BBX: variants seen among roughly 807,000 people sequenced by gnomAD.
BBX encodes the protein HMG box transcription factor BBX.
BBX carries 30 observed loss-of-function variants against 100.2 expected under a neutral mutation model. The ratio of observed to expected loss-of-function variants is 0.30; its 90% confidence interval spans 0.22 to 0.41. The LOEUF (loss-of-function observed/expected upper bound fraction) is 0.41, where lower values mean the gene tolerates loss of function less well. Ranked by LOEUF, BBX falls within the 10% of genes least tolerant of loss-of-function variation. The pLI, the probability that BBX is intolerant of heterozygous loss-of-function variation, is 1.00. For missense variants in BBX, 1,023 were observed against 1,129.8 expected (o/e 0.91, Z 1.35); for synonymous variants, 376 against 388.1 (o/e 0.97, Z 0.37).
chr3:107,643,701 C>G (rs2057355066), intron 2 of BBX, among the ~76,000 whole-genome samples: 1 of 152,126 alleles, frequency 6.6e-6, no homozygotes, highest in South Asian at 2.1e-4. Context: ...TTTCTGATAC[C>G]TCACATCACC....
At chr3:107,696,979 T>G (rs1699639587) in intron 3 of BBX, among the ~76,000 whole-genome samples, 1 of 151,974 alleles carries the variant, frequency 6.6e-6, no homozygotes, top group African/African-American at 2.4e-5. Flanking sequence ...CTTTCTTCCA[T>G]TTGATCGCAT....
At chr3:107,575,267 T>G (rs1042935268) in intron 2 of BBX, among the ~76,000 whole-genome samples, 2 of 152,226 alleles carry the variant, frequency 1.3e-5, no homozygotes, top group Non-Finnish European at 2.9e-5. Context: ...TATAAAGACA[T>G]GGACTGTTTA....
chr3:107,613,343 C>T (rs183422327), intron 2 of BBX, among the ~76,000 whole-genome samples: 61 of 149,770 alleles, frequency 4.1e-4, no homozygotes, highest in Middle Eastern at 3.4e-3. Context: ...CCCGCCACCA[C>T]GACCGGTTAA....
rs1292038730 is a variant in BBX at position 107,805,389 on chromosome 3, C to T, written c.2758C>T (p.Leu920Phe). Residue 920 changes from leucine (L) to phenylalanine (F), a missense_variant, in exon 18 of 18, where the codon CTC becomes TTC. Coordinates refer to ENST00000325805, the MANE Select transcript of BBX (RefSeq NM_001142568.3). ...TTACAGAGGTCAGAGGTCAACTCCG[C>T]TCACCCATGATGGACAGCCAAAAGA... ...NVHRGQRSTP[L>F]THDGQPKEMP... The T allele has an allele frequency of 1.2e-6, 2 of 1,613,934 alleles. No individual in the cohort carries two copies. The highest frequency in any genetic ancestry group is 2.2e-5 in the South Asian group (2 of 91,028).
chr3:107,666,265 CA>C (rs1199970285), intron 3 of BBX, among the ~76,000 whole-genome samples: 2 of 152,166 alleles, frequency 1.3e-5, no homozygotes, highest in Non-Finnish European at 2.9e-5. Flanking sequence ...TGTTCTTTAA[CA>C]AAGGTCAGGT....
intron 12 of BBX, among the ~76,000 whole-genome samples, chr3:107,776,884 A>T (rs2067360827): frequency 1.3e-5 from 2 of 152,148 alleles, no homozygotes; most frequent in Non-Finnish European, 2.9e-5. Flanking sequence ...CCATCAGAAT[A>T]AACATTTTTT....
intron 3 of BBX, among the ~76,000 whole-genome samples, chr3:107,682,195 T>C (rs975416133): frequency 6.6e-6 from 1 of 152,132 alleles, no homozygotes; most frequent in Non-Finnish European, 1.5e-5. Flanking sequence ...GAAAGACGAC[T>C]TAAGTTGTTG....
At chr3:107,675,975 C>T (rs573919862) in intron 3 of BBX, among the ~76,000 whole-genome samples, 1 of 152,160 alleles carries the variant, frequency 6.6e-6, no homozygotes, top group Admixed American at 6.5e-5. Context: ...GAGAATTTTC[C>T]TAGGGAAGCC....
At chr3:107,536,186 G>A (rs917060245) in intron 2 of BBX, among the ~76,000 whole-genome samples, 2 of 152,172 alleles carry the variant, frequency 1.3e-5, no homozygotes, top group African/African-American at 4.8e-5. Flanking sequence ...GTGCTAAGTG[G>A]AAGAGATTTC....
In BBX at chr3:107,706,267, C is replaced by T. The variant is rs1313299294; in HGVS notation, c.-9-4185C>T. On this transcript the variant is annotated intron_variant, in intron 3 of 17. Transcript: ENST00000325805. Reference sequence around the variant, plus strand: ...CAATCTCTTAACCTCGTGATCCACCCGCCTTGGCCTCCCAAAATGCTGGGA... The same window carrying T: ...CAATCTCTTAACCTCGTGATCCACCTGCCTTGGCCTCCCAAAATGCTGGGA... Among the ~76,000 whole-genome samples, 7 of 152,212 alleles carry T rather than the reference C, an allele frequency of 4.6e-5. No individual in the cohort carries two copies. In the East Asian group the frequency reaches 9.7e-4, roughly 21 times the overall value.
At chr3:107,656,214 A>G (rs1015074139) in intron 3 of BBX, among the ~76,000 whole-genome samples, 6 of 152,176 alleles carry the variant, frequency 3.9e-5, no homozygotes, top group Non-Finnish European at 7.3e-5. Context: ...ATGTTCTGTG[A>G]AAGTATTTAT....
intron 3 of BBX, among the ~76,000 whole-genome samples, chr3:107,689,922 T>C (rs138287431): frequency 3.2e-4 from 48 of 152,178 alleles, no homozygotes; most frequent in African/African-American, 1.1e-3. Flanking sequence ...TGTAAATCTC[T>C]CTGAGGCGCC....
intron 2 of BBX, among the ~76,000 whole-genome samples, chr3:107,567,073 T>G (rs1429790664): frequency 1.3e-5 from 2 of 152,146 alleles, no homozygotes; most frequent in Non-Finnish European, 2.9e-5. Flanking sequence ...CCATTAATTT[T>G]TTTTGTCTGT....
At chr3:107,657,449 T>C (rs939539647) in intron 3 of BBX, among the ~76,000 whole-genome samples, 1 of 152,188 alleles carries the variant, frequency 6.6e-6, no homozygotes, top group Admixed American at 6.5e-5. Context: ...ACTGTGTTTC[T>C]TGAATATGAA....
chr3:107,710,830 T>A (rs1202733301), intron 4 of BBX, among the ~76,000 whole-genome samples: 3 of 152,194 alleles, frequency 2.0e-5, no homozygotes, highest in Non-Finnish European at 4.4e-5. Context: ...CTGAGACACA[T>A]CCTTTTAAAT....
chr3:107,543,971 G>T (rs867666813), intron 2 of BBX, among the ~76,000 whole-genome samples: 87 of 152,334 alleles, frequency 5.7e-4, no homozygotes, highest in African/African-American at 2.0e-3. Context: ...TTGTCACTCG[G>T]ACTGAATCCA....
intron 3 of BBX, among the ~76,000 whole-genome samples, chr3:107,707,239 G>A (rs1025150791): frequency 5.3e-5 from 8 of 152,168 alleles, no homozygotes; most frequent in African/African-American, 1.7e-4. Flanking sequence ...TGTGCATCTG[G>A]TGGTTCTCAG....
At chr3:107,778,799 A>C (rs72943037) in intron 13 of BBX, among the ~76,000 whole-genome samples, 6,652 of 151,666 alleles carry the variant, frequency 0.044, 441 homozygotes, top group African/African-American at 0.15. Context: ...TGCTCTCCAG[A>C]ATTCTAATTT....
chr3:107,782,840 C>A (rs2068039110), intron 13 of BBX, among the ~76,000 whole-genome samples: 1 of 151,714 alleles, frequency 6.6e-6, no homozygotes, highest in South Asian at 2.1e-4. Context: ...ATTTTTTTTT[C>A]ATAAGGAAGC....
Sources: allele counts gnomAD v4.1 joint callset (sites outside exome capture counted in the v4.1 genomes callset), GRCh38; gene constraint gnomAD v4.1.1; transcripts MANE v1.5; gene names NCBI Gene and HGNC (gene_info 2026-07-23, HGNC 2026-07-21).